Variants in NPTXR observed in about 807,000 individuals in gnomAD.
NPTXR encodes the protein neuronal pentraxin receptor.
Under a neutral mutation model 32.2 loss-of-function variants are expected in NPTXR, and 12 were observed. That is an observed-to-expected ratio of 0.37 (90% CI 0.24 to 0.60). NPTXR has a LOEUF of 0.60. NPTXR is among the 20% of genes least tolerant of loss of function. The probability of loss-of-function intolerance (pLI) is 0.66; values close to 1 mark genes in which losing one functional copy is unlikely to be tolerated. For synonymous variants in NPTXR, 323 were observed against 315.8 expected, an observed-to-expected ratio of 1.02 and a Z score of -0.24; for missense variants, 612 against 682.9, an observed-to-expected ratio of 0.90 and a Z score of 1.16.
rs2146201913 is a variant in NPTXR, at chr22:38,843,366, G to A, written c.493C>T (p.Leu165=). 2.1e-6 allele frequency: 3 copies of A among 1,410,968 alleles called. No homozygotes were observed. The highest frequency in any genetic ancestry group is 2.1e-4 in the Middle Eastern group (1 of 4,808). The allele number at this position is 1,410,968 out of a possible 1,614,324, so 87.4% of individuals were successfully genotyped here. Residue 165 remains leucine, a synonymous_variant, in exon 1 of 5, where the codon CTG becomes TTG. Transcript: ENST00000333039. This position sits in a 1 kb window ranked among gnomAD's most constrained non-coding sequence, Gnocchi z 5.3. ...CCGGCGCCCTGGAGGCCGCGCGGCA[G>A]GCCGCTCTCGCAGCGGCCCAGCTTG...
chr22:38,837,898 C>G (rs1353502241), intron 1 of NPTXR, among the ~76,000 whole-genome samples: 1 of 94,474 alleles, frequency 1.1e-5, no homozygotes, highest in Admixed American at 9.5e-5. Flanking sequence ...CTCTGTTGCC[C>G]AGGCTGGAGT....
intron 3 of NPTXR, among the ~76,000 whole-genome samples, chr22:38,826,061 T>A (rs1344300966): frequency 6.6e-6 from 1 of 152,094 alleles, no homozygotes; most frequent in African/African-American, 2.4e-5. Flanking sequence ...GCCAGGATGG[T>A]CTCAATCTCC....
At chr22:38,831,744 T>C (rs771965414) in intron 1 of NPTXR, among the ~76,000 whole-genome samples, 4 of 152,064 alleles carry the variant, frequency 2.6e-5, no homozygotes, top group Non-Finnish European at 5.9e-5. Flanking sequence ...CTGTCCTCAG[T>C]TCTCCACCCG....
intron 1 of NPTXR, among the ~76,000 whole-genome samples, chr22:38,829,510 C>T (rs1039146086): frequency 1.3e-5 from 2 of 152,162 alleles, no homozygotes; most frequent in African/African-American, 4.8e-5. Flanking sequence ...ACAGAAATGT[C>T]AGTAGGAGAT....
rs534370972 is a variant in NPTXR, at chr22:38,837,696, G to A, written c.624+5539C>T. Among the ~76,000 whole-genome samples, 11 of 152,186 alleles carry A rather than the reference G, an allele frequency of 7.2e-5. No homozygotes were observed. The East Asian group carries it at 2.1e-3, about 29-fold the overall frequency. On this transcript the variant is annotated intron_variant, in intron 1 of 4. Coordinates refer to ENST00000333039, the MANE Select transcript of NPTXR (RefSeq NM_014293.4). ...CAAGAACTCAGAATGTAGAGCCTAAGGGGACTGGGACTTAGCTCCTCCTCC... is the reference window on the plus strand; with the variant it reads ...CAAGAACTCAGAATGTAGAGCCTAAAGGGACTGGGACTTAGCTCCTCCTCC...
At chr22:38,838,453 G>T (rs922063874) in intron 1 of NPTXR, among the ~76,000 whole-genome samples, 4 of 152,004 alleles carry the variant, frequency 2.6e-5, no homozygotes, top group Admixed American at 2.0e-4. Flanking sequence ...CAAGTCTCTC[G>T]GCTATCTAGC....
rs998108536 is a variant in NPTXR, at chr22:38,834,557, C to CT, written c.625-6046dup. ...AGAGAAGAGGGCCCTGAGAGCTTCT[C>CT]TGGCAGGGCTGCAGAGCACTCATCC... On this transcript the variant is annotated intron_variant, in intron 1 of 4. Transcript: ENST00000333039. This position sits in a 1 kb window ranked among gnomAD's most constrained non-coding sequence, Gnocchi z 4.4. Among the ~76,000 whole-genome samples, 11 of 151,102 alleles carry CT rather than the reference C, an allele frequency of 7.3e-5. No homozygotes were observed. The highest frequency in any genetic ancestry group is 2.7e-4 in the African/African-American group (11 of 41,078).
chr22:38,829,844 G>A (rs1192078750), intron 1 of NPTXR, among the ~76,000 whole-genome samples: 3 of 152,196 alleles, frequency 2.0e-5, no homozygotes, highest in Non-Finnish European at 2.9e-5. Flanking sequence ...CCTAAGCTGC[G>A]AGGGGATGGC....
chr22:38,832,474 C>G (rs2093117863), intron 1 of NPTXR, among the ~76,000 whole-genome samples: 1 of 152,198 alleles, frequency 6.6e-6, no homozygotes, highest in Non-Finnish European at 1.5e-5. Flanking sequence ...GAGCCAGAGC[C>G]CCTTGTTCTA....
Position 38,823,137 on chromosome 22 carries a change from C to G in NPTXR, c.1224G>C (p.Leu408=), listed in dbSNP as rs1279492192. The stretch of plus-strand genomic sequence containing the variant: ...GAGGCTTGATGGGGTGCCAGGCAGC[C>G]AGGTTCTCACCGGAGCCCTGCAGCT... The change falls in exon 4 of 5, where the codon CTG becomes CTC. Residue 408 remains leucine, a synonymous_variant. Coordinates refer to ENST00000333039, the MANE Select transcript of NPTXR (RefSeq NM_014293.4). The G allele has an allele frequency of 2.5e-6, 4 of 1,614,170 alleles. No individual in the cohort carries two copies. In the South Asian group the frequency reaches 4.4e-5, roughly 18 times the overall value.
chr22:38,833,071 G>A (rs2093118812), intron 1 of NPTXR, among the ~76,000 whole-genome samples: 1 of 151,520 alleles, frequency 6.6e-6, no homozygotes, highest in Non-Finnish European at 1.5e-5. Context: ...CAGGGCCAGA[G>A]TCCCATCCTC....
At chr22:38,842,187 TCCTC>T (rs1222884749) in intron 1 of NPTXR, among the ~76,000 whole-genome samples, 1 of 152,186 alleles carries the variant, frequency 6.6e-6, no homozygotes, top group Non-Finnish European at 1.5e-5. Context: ...CCCGCCTCTC[TCCTC>T]CCTCCAACTT....
At chr22:38,824,198 G>T (rs1207420035) in intron 3 of NPTXR, among the ~76,000 whole-genome samples, 3 of 140,314 alleles carry the variant, frequency 2.1e-5, no homozygotes, top group African/African-American at 8.1e-5. Context: ...TCACCATATT[G>T]GCCAGCCTGG....
At position 38,821,334 on chromosome 22, in the gene NPTXR, C is replaced by T. The variant is rs1765235466; in HGVS notation, c.*1275G>A. 6.6e-6 allele frequency: 1 copy of T among 152,300 alleles called. No individual in the cohort carries two copies. 9.4% of individuals were successfully genotyped at this position (152,300 alleles called of 1,614,324 possible). On this transcript the variant is annotated 3_prime_UTR_variant, in exon 5 of 5. Transcript: ENST00000333039. ...TGATCCAAAGGGAGCTGGTTTTTTA[C>T]AATCCATGCATGAGGTTAGTCTGCC...
chr22:38,843,587 A>C lies in NPTXR; in HGVS notation c.272T>G (p.Phe91Cys), dbSNP rs1357409241. ...CAGCGGCGTGCACAGGAAGCGGCTG[A>C]ACAGGGGCCCGGGCGGCAGCGGGTG... Residue 91 changes from phenylalanine to cysteine, a missense_variant, in exon 1 of 5, where the codon TTC (phenylalanine) becomes TGC (cysteine). Physicochemically the swap from Phe to Cys is radical, Grantham distance 205 (BLOSUM62 -2). Coordinates refer to ENST00000333039, the MANE Select transcript of NPTXR (RefSeq NM_014293.4). This position sits in a 1 kb window ranked among gnomAD's most constrained non-coding sequence, Gnocchi z 5.3. The C allele has an allele frequency of 5.8e-6, 7 of 1,201,676 alleles. No homozygotes were observed. Among genetic ancestry groups the C allele is most frequent in the Non-Finnish European group, 3.1e-6 (3 of 969,166 alleles). 74.4% of individuals were successfully genotyped at this position (1,201,676 alleles called of 1,614,324 possible). A position where few individuals can be genotyped will look rare whatever the true frequency, so the allele number is the denominator to read the frequency against.
chr22:38,830,764 TC>T (rs537801148), intron 1 of NPTXR, among the ~76,000 whole-genome samples: 1 of 151,794 alleles, frequency 6.6e-6, no homozygotes, highest in Admixed American at 6.6e-5. Flanking sequence ...AGGATCAACC[TC>T]TCCATTCCAG....
intron 1 of NPTXR, among the ~76,000 whole-genome samples, chr22:38,839,833 A>G (rs1468798037): frequency 3.9e-5 from 6 of 152,184 alleles, no homozygotes; most frequent in Non-Finnish European, 7.4e-5. Context: ...CAGTAACAGG[A>G]GCCAGTCAAG....
In NPTXR at chr22:38,843,313, C is replaced by A; in HGVS notation, c.546G>T (p.Gly182=). The change falls in exon 1 of 5, where the codon GGG becomes GGT. Residue 182 remains glycine, a synonymous_variant. Coordinates refer to ENST00000333039, the MANE Select transcript of NPTXR (RefSeq NM_014293.4). The surrounding 1 kb of genome is among the most constrained non-coding windows in gnomAD (Gnocchi z 5.3). Reference sequence around the variant, plus strand: ...GAATGAGCGCAGGCGAGTCCCAGGGCCCGTCGGCCATGGTGTCGCGGCGGG... The same window carrying A: ...GAATGAGCGCAGGCGAGTCCCAGGGACCGTCGGCCATGGTGTCGCGGCGGG... The A allele has an allele frequency of 2.8e-6, 4 of 1,428,754 alleles. No homozygotes were observed. The highest frequency in any genetic ancestry group is 3.1e-5 in the East Asian group (1 of 32,554). 88.5% of individuals were successfully genotyped at this position (1,428,754 alleles called of 1,614,324 possible).
chr22:38,832,048 C>G (rs1412784902), intron 1 of NPTXR, among the ~76,000 whole-genome samples: 1 of 152,158 alleles, frequency 6.6e-6, no homozygotes, highest in African/African-American at 2.4e-5. Context: ...GATCTGCCAG[C>G]AAGAACAGGG....
Sources: gnomAD v4.1 joint callset for allele counts (sites outside exome capture counted in the v4.1 genomes callset) on GRCh38, gnomAD v4.1.1 for gene constraint, Gnocchi (gnomAD v3.1) non-coding constraint, MANE v1.5 for transcripts, NCBI Gene and HGNC (gene_info 2026-07-23, HGNC 2026-07-21) for gene names.